The following FBXW10 variants were observed in gnomAD, a reference collection of about 807,000 sequenced individuals.
The protein encoded by FBXW10 is F-box and WD repeat domain containing 10, also known as F-box/WD repeat-containing protein 10.
A neutral mutation model predicts 113.1 loss-of-function variants in FBXW10; 68 were observed. That is an observed-to-expected ratio of 0.60 (90% CI 0.49 to 0.74). The LOEUF is 0.74. Among genes scored for constraint, FBXW10 ranks in the 30% least tolerant of loss-of-function variants. The pLI is 0.00. For synonymous variants in FBXW10, 289 were observed against 481.6 expected (o/e 0.60, Z 5.24); for missense variants, 753 against 1,284.5 (o/e 0.59, Z 6.32).
chr17:18,775,018 T>C, intron 12 of FBXW10, 118 bp from the exon 13 acceptor site: 2 of 654,366 alleles, frequency 3.1e-6, no homozygotes, highest in Non-Finnish European at 5.4e-6. Flanking sequence ...AAAAACAAGA[T>C]AGTGATATTT....
Position 18,750,972 on chromosome 17 carries a change from G to T in FBXW10, c.1041G>T (p.Lys347Asn). ...TRGIDPNYAN[K>N]VSIPVPKMVD... Reference sequence around the variant, plus strand: ...GAATTGATCCTAATTATGCCAATAAGGTTTCTATCCCAGTTCCTAAAATGG... The same window carrying T: ...GAATTGATCCTAATTATGCCAATAATGTTTCTATCCCAGTTCCTAAAATGG... The change falls in exon 5 of 14, where the codon AAG becomes AAT. Residue 347 changes from lysine to asparagine, a missense_variant. Physicochemically the swap from Lys to Asn is moderately conservative, Grantham distance 94. Coordinates refer to ENST00000395665, the MANE Select transcript of FBXW10 (RefSeq NM_001267585.2). 6.2e-7 allele frequency: 1 copy of T among 1,614,068 alleles called. No homozygotes were observed. The highest frequency in any genetic ancestry group is 8.5e-7 in the Non-Finnish European group (1 of 1,180,002).
chr17:18,758,584 T>C, intron 7 of FBXW10, 79 bp downstream of exon 7: 1 of 1,533,766 alleles, frequency 6.5e-7, no homozygotes, highest in South Asian at 1.2e-5. Flanking sequence ...TGCATGCTTC[T>C]TCTTTTTATA....
intron 7 of FBXW10, among the ~76,000 whole-genome samples, chr17:18,761,508 G>A (rs1409584390): frequency 8.6e-5 from 13 of 151,922 alleles, no homozygotes; most frequent in South Asian, 2.1e-4. Flanking sequence ...CTCGTGATTC[G>A]CCCGCCTCGG....
chr17:18,767,443 CA>C (rs5819658), intron 9 of FBXW10, among the ~76,000 whole-genome samples: 35,756 of 123,814 alleles, frequency 0.29, 4,475 homozygotes, highest in African/African-American at 0.37. Context: ...TCATGCGTCT[CA>C]AAAAAAAAAA....
At chr17:18,752,537 AC>A (rs2035189521) in intron 5 of FBXW10, among the ~76,000 whole-genome samples, 1 of 152,022 alleles carries the variant, frequency 6.6e-6, no homozygotes, top group African/African-American at 2.4e-5. Flanking sequence ...ACATAGTGAA[AC>A]CCTGTCTCTA....
Position 18,766,754 on chromosome 17 carries a change from A to C in FBXW10, c.1596A>C (p.Arg532Ser), listed in dbSNP as rs182760245. ...CAGGGAAGTGCCTGAAGACGTTTAG[A>C]CACAAAGACCCCATCTTGGCCACCA... ...VDTGKCLKTF[R>S]HKDPILATRI... The change falls in exon 9 of 14, where the codon AGA becomes AGC. Residue 532 changes from arginine (R) to serine (S), a missense_variant. Physicochemically the swap from Arg to Ser is moderately radical, Grantham distance 110. Coordinates refer to ENST00000395665, the MANE Select transcript of FBXW10 (RefSeq NM_001267585.2). 1.6e-4 allele frequency: 251 copies of C among 1,613,684 alleles called. 1 individual carries two copies. The East Asian group carries it at 4.7e-3, about 30-fold the overall frequency.
chr17:18,747,069 T>G (rs1387561056), intron 1 of FBXW10, among the ~76,000 whole-genome samples: 2 of 151,584 alleles, frequency 1.3e-5, no homozygotes, highest in Non-Finnish European at 2.9e-5. Flanking sequence ...GGACTACAGG[T>G]GCCCGCCACC....
intron 5 of FBXW10, 45 bp from the exon 6 acceptor site, chr17:18,756,000 T>C (rs1288548877): frequency 3.6e-5 from 57 of 1,582,218 alleles, no homozygotes; most frequent in Non-Finnish European, 4.8e-5. Flanking sequence ...ACTGTGGGTA[T>C]TTGAAGTTAC....
intron 13 of FBXW10, among the ~76,000 whole-genome samples, chr17:18,776,543 A>G (rs1013940988): frequency 1.3e-5 from 2 of 152,196 alleles, no homozygotes; most frequent in African/African-American, 4.8e-5. Context: ...GTATATACCT[A>G]TGTCAGTGTA....
intron 6 of FBXW10, among the ~76,000 whole-genome samples, chr17:18,757,724 C>G (rs1289766810): frequency 6.6e-6 from 1 of 152,218 alleles, no homozygotes; most frequent in African/African-American, 2.4e-5. Context: ...TCATCCTGTT[C>G]ATACTTTACC....
At chr17:18,746,054 T>C (rs541840360) in intron 1 of FBXW10, among the ~76,000 whole-genome samples, 1 of 152,286 alleles carries the variant, frequency 6.6e-6, no homozygotes, top group Admixed American at 6.5e-5. Flanking sequence ...CAATGTATCA[T>C]GAGGCAAGAG....
In FBXW10 at chr17:18,772,650, C is replaced by G; in HGVS notation, c.2245C>G (p.Arg749Gly). 2 of 1,613,164 alleles carry G rather than the reference C, an allele frequency of 1.2e-6. No individual in the cohort carries two copies. Among genetic ancestry groups the G allele is most frequent in the Non-Finnish European group, 1.7e-6 (2 of 1,179,802 alleles). The change falls in exon 12 of 14, where the codon CGA becomes GGA. Residue 749 changes from arginine to glycine, a missense_variant. Transcript: ENST00000395665. ...CCTACCAGGCAAACCTCCCAAGTCC[C>G]GAGTACTCCTGAAGCCGGCCAAGTT... ...ELLPGKPPKS[R>G]VLLKPAKFSS... is the part of the protein sequence containing the mutation.
chr17:18,758,892 G>A (rs923307083), intron 7 of FBXW10, among the ~76,000 whole-genome samples: 4 of 151,474 alleles, frequency 2.6e-5, no homozygotes, highest in African/African-American at 7.3e-5. Context: ...ACGTGGCCAG[G>A]CGCGGTGGCT....
intron 6 of FBXW10, among the ~76,000 whole-genome samples, chr17:18,757,634 A>G (rs2035292089): frequency 6.6e-6 from 1 of 152,202 alleles, no homozygotes; most frequent in African/African-American, 2.4e-5. Context: ...GTGACAGAGC[A>G]AGACCTTGTC....
intron 11 of FBXW10, among the ~76,000 whole-genome samples, chr17:18,770,720 C>T (rs574226976): frequency 6.6e-6 from 1 of 152,150 alleles, no homozygotes; most frequent in Admixed American, 6.5e-5. Flanking sequence ...TTGATCATGC[C>T]TTTGGCTGCC....
At chr17:18,759,619 G>GTTT (rs71155351) in intron 7 of FBXW10, among the ~76,000 whole-genome samples, 1 of 141,980 alleles carries the variant, frequency 7.0e-6, no homozygotes, top group Non-Finnish European at 1.5e-5. Context: ...CTAGTTTTTT[G>GTTT]TTTTTTTTTT....
intron 6 of FBXW10, among the ~76,000 whole-genome samples, chr17:18,756,432 C>T (rs147719420): frequency 1.3e-5 from 2 of 151,950 alleles, no homozygotes; most frequent in Non-Finnish European, 2.9e-5. Context: ...TTTGAAATAT[C>T]TTTATTTTGT....
In FBXW10 at chr17:18,744,552, A is replaced by C. The variant is rs1219181934; in HGVS notation, c.308A>C (p.Lys103Thr). 6.2e-7 allele frequency: 1 copy of C among 1,614,020 alleles called. No homozygotes were observed. The highest frequency in any genetic ancestry group is 8.5e-7 in the Non-Finnish European group (1 of 1,179,878). Residue 103 changes from lysine (K) to threonine (T), a missense_variant, in exon 1 of 14, where the codon AAG becomes ACG. Coordinates refer to ENST00000395665, the MANE Select transcript of FBXW10 (RefSeq NM_001267585.2). ...NLSKKEGKVV[K>T]SSLNQMLDKT... ...AGCAAGAAAGAGGGGAAAGTTGTGA[A>C]GTCCTCCTTGAACCAAATGTTGGAT...
chr17:18,769,267 A>C (rs1253981013), intron 10 of FBXW10, among the ~76,000 whole-genome samples: 1 of 152,184 alleles, frequency 6.6e-6, no homozygotes, highest in Non-Finnish European at 1.5e-5. Context: ...TCAAAACATT[A>C]AATAATTCTC....
Sources: allele counts gnomAD v4.1 joint callset (sites outside exome capture counted in the v4.1 genomes callset), GRCh38; gene constraint gnomAD v4.1.1; transcripts MANE v1.5; gene names NCBI Gene and HGNC (gene_info 2026-07-23, HGNC 2026-07-21).